Variants in ATXN7L3 observed in about 807,000 individuals in gnomAD.
The protein encoded by ATXN7L3 is ataxin 7 like 3.
In ATXN7L3, 6 loss-of-function variants were observed where a neutral mutation model predicts 50.0. The ratio of observed to expected loss-of-function variants is 0.12; its 90% CI spans 0.07 to 0.24. The LOEUF (loss-of-function observed/expected upper bound fraction) is 0.24. ATXN7L3 is among the 10% of genes least tolerant of loss of function. The pLI, the probability that ATXN7L3 is intolerant of heterozygous loss-of-function variation, is 1.00. For missense variants in ATXN7L3, 322 were observed against 451.3 expected (o/e 0.71, Z 2.60); for synonymous variants, 198 against 165.8 (o/e 1.19, Z -1.49).
rs1019288257 is a variant in ATXN7L3 at position 44,192,922 on chromosome 17, C to G, written c.*1341G>C. 2 of 152,348 alleles carry G rather than the reference C, an allele frequency of 1.3e-5. No individual in the cohort carries two copies. Among genetic ancestry groups the G allele is most frequent in the Admixed American group, 6.5e-5 (1 of 15,282 alleles). The allele number at this position is 152,348 out of a possible 1,614,324, so 9.4% of individuals were successfully genotyped here. A position where few individuals can be genotyped will look rare whatever the true frequency, so the allele number is the denominator to read the frequency against. ...AACTTGGCTCAGGGTCACCTCCACC[C>G]ATGTCAGTCAGCTCTGCTCCCAGCC... is the stretch of plus-strand genomic sequence containing the variant. On this transcript the variant is annotated 3_prime_UTR_variant, in exon 13 of 13. Transcript: ENST00000587097.
chr17:44,194,170 C>A lies in ATXN7L3; in HGVS notation c.*93G>T. The A allele has an allele frequency of 1.3e-6, 2 of 1,509,766 alleles. No individual in the cohort carries two copies. Among genetic ancestry groups the A allele is most frequent in the Non-Finnish European group, 1.8e-6 (2 of 1,120,684 alleles). The allele number at this position is 1,509,766 out of a possible 1,614,324, so 93.5% of individuals were successfully genotyped here. On this transcript the variant is annotated 3_prime_UTR_variant, in exon 13 of 13. Transcript: ENST00000587097. ...CCCACCAAGCTTCCCAAGCCCCAAC[C>A]CCCAGCAGCCGTCCATTTGCCAGGC...
In ATXN7L3 at chr17:44,195,486, T is replaced by C. The variant is rs1829942605; in HGVS notation, c.554A>G (p.Tyr185Cys). ...ATAGCTGATCCCAGTTGAATTGTTATACTGCAGGACAACCAGAGGTACAGG... is the reference window on the plus strand; with the variant it reads ...ATAGCTGATCCCAGTTGAATTGTTACACTGCAGGACAACCAGAGGTACAGG... ...GELSNSDPFK[Y>C]NNSTGISYET... The change falls in exon 9 of 13, where the codon TAT becomes TGT. Residue 185 changes from tyrosine to cysteine, a missense_variant and splice_region_variant. Tyr to Cys is a radical substitution (Grantham distance 194, BLOSUM62 -2). This residue lies in a region of ATXN7L3 where 95 missense variants were observed against 98.1 expected (regional missense o/e 0.97). Coordinates refer to ENST00000587097, the MANE Select transcript of ATXN7L3 (RefSeq NM_001382309.1). 4 of 1,613,854 alleles carry C rather than the reference T, an allele frequency of 2.5e-6. No individual in the cohort carries two copies. The highest frequency in any genetic ancestry group is 3.4e-6 in the Non-Finnish European group (4 of 1,179,780).
intron 6 of ATXN7L3, 151 bp from the exon 7 acceptor site, chr17:44,196,230 C>T (rs1330345119): frequency 1.7e-5 from 14 of 815,540 alleles, no homozygotes; most frequent in Middle Eastern, 3.6e-4. Flanking sequence ...GTGCCCTCCC[C>T]CACCCCCCTT....
chr17:44,197,566 C>T (rs1295617935), intron 3 of ATXN7L3, 32 bp downstream of exon 3: 1 of 1,614,006 alleles, frequency 6.2e-7, no homozygotes, highest in Middle Eastern at 1.6e-4. Context: ...CAGGGAAGGG[C>T]TGGACTGCTG....
chr17:44,193,949 G>A lies in ATXN7L3; in HGVS notation c.*314C>T, dbSNP rs2055788421. The A allele has an allele frequency of 3.2e-6, 1 of 309,920 alleles. No homozygotes were observed. The highest frequency in any genetic ancestry group is 4.0e-5 in the South Asian group (1 of 24,702). 19.2% of individuals were successfully genotyped at this position (309,920 alleles called of 1,614,324 possible). On this transcript the variant is annotated 3_prime_UTR_variant, in exon 13 of 13. Transcript: ENST00000587097. ...GGGGGGCAGGCAGTGCCCTGGCACA[G>A]TGCCCAGGTCAGGCCCCTGGCCTAG... is the stretch of plus-strand genomic sequence containing the variant.
intron 1 of ATXN7L3, among the ~76,000 whole-genome samples, chr17:44,198,727 G>A (rs999601389): frequency 1.3e-5 from 2 of 150,714 alleles, no homozygotes; most frequent in Admixed American, 6.6e-5. Context: ...TAGCCACCAT[G>A]AGCAGGAACG....
At chr17:44,194,485 C>A (rs1346050596) in intron 12 of ATXN7L3, 32 bp downstream of exon 12, 4 of 1,613,044 alleles carry the variant, frequency 2.5e-6, no homozygotes, top group Admixed American at 3.3e-5. Flanking sequence ...GCTTTGGGCA[C>A]AGAGCCCCTA....
At position 44,199,841 on chromosome 17, in the gene ATXN7L3, CGT is replaced by C. The variant is rs1192341882; in HGVS notation, c.-408_-407del. ...GCGGCGCGAGCCCGGAGCGCGCGCG[CGT>C]GTGCCGCGACCGGAGGATGGATGGA... On this transcript the variant is annotated 5_prime_UTR_variant, in exon 1 of 13. Transcript: ENST00000587097. 1.2e-4 allele frequency: 18 copies of C among 148,180 alleles called. No individual in the cohort carries two copies. Among genetic ancestry groups the C allele is most frequent in the Admixed American group, 1.0e-3 (15 of 15,048 alleles). 9.2% of individuals were successfully genotyped at this position (148,180 alleles called of 1,614,324 possible). A position where few individuals can be genotyped will look rare whatever the true frequency, so the allele number is the denominator to read the frequency against.
chr17:44,198,169 G>T, intron 1 of ATXN7L3, 39 bp from the exon 2 acceptor site: 2 of 1,229,648 alleles, frequency 1.6e-6, no homozygotes, highest in Non-Finnish European at 2.3e-6. Flanking sequence ...GTGAGTCCAA[G>T]GCACCTCTGA....
chr17:44,192,125 G>A lies in ATXN7L3; in HGVS notation c.*2138C>T, dbSNP rs1009449684. ...GACGACACCTAGCCGGGGTGGGAAG[G>A]ATGGGAATTGAAACCCACACAGCCT... On this transcript the variant is annotated 3_prime_UTR_variant, in exon 13 of 13. Transcript: ENST00000587097. The A allele has an allele frequency of 3.3e-5, 5 of 152,512 alleles. No individual in the cohort carries two copies. The highest frequency in any genetic ancestry group is 1.2e-4 in the African/African-American group (5 of 41,430). 9.4% of individuals were successfully genotyped at this position (152,512 alleles called of 1,614,324 possible).
At chr17:44,196,155 G>A in intron 6 of ATXN7L3, 76 bp from the exon 7 acceptor site, 1 of 1,515,512 alleles carries the variant, frequency 6.6e-7, no homozygotes, top group South Asian at 1.1e-5. Context: ...AAGGAAAAAA[G>A]ATTTGACAAA....
At chr17:44,197,426 G>A (rs1183169568) in intron 3 of ATXN7L3, 27 bp from the exon 4 acceptor site, 2 of 1,579,962 alleles carry the variant, frequency 1.3e-6, no homozygotes, top group Non-Finnish European at 1.7e-6. Flanking sequence ...CTGGCGATCA[G>A]GGTGGGCAGG....
intron 9 of ATXN7L3, 135 bp from the exon 10 acceptor site, chr17:44,195,275 A>G: frequency 7.5e-7 from 1 of 1,339,712 alleles, no homozygotes; most frequent in Non-Finnish European, 1.1e-6. Flanking sequence ...GTCCCAGGAC[A>G]CTATGGGCCG....
chr17:44,196,509 G>C (rs1159506840), intron 5 of ATXN7L3, 91 bp from the exon 6 acceptor site: 1 of 1,541,976 alleles, frequency 6.5e-7, no homozygotes, highest in African/African-American at 1.4e-5. Context: ...GCTGGGCACG[G>C]TGGCTCATGC....
Position 44,194,618 on chromosome 17 carries a change from C to T in ATXN7L3, c.794G>A (p.Ser265Asn). Residue 265 changes from serine (S) to asparagine (N), a missense_variant, in exon 12 of 13, where the codon AGC (serine) becomes AAC (asparagine). Physicochemically the swap from Ser to Asn is conservative, Grantham distance 46. Coordinates refer to ENST00000587097, the MANE Select transcript of ATXN7L3 (RefSeq NM_001382309.1). Reference protein sequence around the residue: ...LDNDSFDMTDSQALISRLQWD... With the variant: ...LDNDSFDMTDNQALISRLQWD... ...CTGAAGCCGGCTGATCAGGGCCTGGCTGTCAGTCATGTCAAAGCTGTCATT... is the reference window on the plus strand; with the variant it reads ...CTGAAGCCGGCTGATCAGGGCCTGGTTGTCAGTCATGTCAAAGCTGTCATT... 6.2e-7 allele frequency: 1 copy of T among 1,613,950 alleles called. No individual in the cohort carries two copies. The highest frequency in any genetic ancestry group is 8.5e-7 in the Non-Finnish European group (1 of 1,180,030).
rs1055818495 is a variant in ATXN7L3 at position 44,192,845 on chromosome 17, G to C, written c.*1418C>G. The stretch of plus-strand genomic sequence containing the variant: ...CCTGGGTACTAACTACCCAAATGTG[G>C]GATGGCTCCTCTTGGGAAGAGGGTA... On this transcript the variant is annotated 3_prime_UTR_variant, in exon 13 of 13. Transcript: ENST00000587097. 1 of 152,156 alleles carries C rather than the reference G, an allele frequency of 6.6e-6. No individual in the cohort carries two copies. The highest frequency in any genetic ancestry group is 1.5e-5 in the Non-Finnish European group (1 of 68,082). 9.4% of individuals were successfully genotyped at this position (152,156 alleles called of 1,614,324 possible).
intron 8 of ATXN7L3, 28 bp from the exon 9 acceptor site, chr17:44,195,515 G>A (rs2055851508): frequency 6.3e-7 from 1 of 1,597,064 alleles, no homozygotes; most frequent in Non-Finnish European, 8.6e-7. Context: ...GTACAGGTTA[G>A]AGATGGGGCA....
At chr17:44,198,806 T>G (rs1417888675) in intron 1 of ATXN7L3, 1 of 152,254 alleles carries the variant, frequency 6.6e-6, no homozygotes, top group East Asian at 1.9e-4. Flanking sequence ...TACCTGTTCT[T>G]CCTTTAAATA....
chr17:44,193,168 G>A lies in ATXN7L3; in HGVS notation c.*1095C>T, dbSNP rs1309856192. Reference sequence around the variant, plus strand: ...GCAAAGGGGGAGAGGCACAAGATTAGGATTTTCCTCAGAGCCCCAAACCAC... The same window carrying A: ...GCAAAGGGGGAGAGGCACAAGATTAAGATTTTCCTCAGAGCCCCAAACCAC... On this transcript the variant is annotated 3_prime_UTR_variant, in exon 13 of 13. Coordinates refer to ENST00000587097, the MANE Select transcript of ATXN7L3 (RefSeq NM_001382309.1). 1.3e-5 allele frequency: 2 copies of A among 152,208 alleles called. No homozygotes were observed. Among genetic ancestry groups the A allele is most frequent in the African/African-American group, 4.8e-5 (2 of 41,422 alleles). 9.4% of individuals were successfully genotyped at this position (152,208 alleles called of 1,614,324 possible).
Sources: gnomAD v4.1 joint callset for allele counts (sites outside exome capture counted in the v4.1 genomes callset) on GRCh38, gnomAD v4.1.1 for gene constraint, gnomAD v4.1.1 regional missense constraint, MANE v1.5 for transcripts, NCBI Gene and HGNC (gene_info 2026-07-23, HGNC 2026-07-21) for gene names.